Variants in MDFIC2 observed in about 807,000 individuals in gnomAD.
MDFIC2 encodes MyoD family inhibitor domain containing 2.
chr3:70,211,564 C>T (rs145561521), intron 2 of MDFIC2, among the ~76,000 whole-genome samples: 1 of 21,262 alleles, frequency 4.7e-5, no homozygotes, highest in Non-Finnish European at 9.0e-5. Context: ...TCCCTTTGCC[C>T]TTCCCTTCCC....
intron 2 of MDFIC2, among the ~76,000 whole-genome samples, chr3:70,247,365 C>T (rs565286383): frequency 4.8e-4 from 73 of 151,892 alleles, no homozygotes; most frequent in Admixed American, 2.0e-3. Context: ...ATGGTTAATG[C>T]GGAGAGAGTT....
At chr3:70,206,396 T>G (rs2106724265) in intron 3 of MDFIC2, among the ~76,000 whole-genome samples, 173 bp downstream of exon 3, 1 of 152,228 alleles carries the variant, frequency 6.6e-6, no homozygotes, top group Non-Finnish European at 1.5e-5. Context: ...GCCAAGCGCC[T>G]CATAACTGCA....
chr3:70,262,950 T>G (rs1009565269), intron 2 of MDFIC2, among the ~76,000 whole-genome samples: 44 of 152,326 alleles, frequency 2.9e-4, no homozygotes, highest in Admixed American at 1.8e-3. Context: ...TCACTGCTCT[T>G]CCTATCTGTA....
In MDFIC2 at chr3:70,306,568, A is replaced by G. The variant is rs140294170; in HGVS notation, c.88+5318T>C. On this transcript the variant is annotated intron_variant, in intron 2 of 3. Coordinates refer to ENST00000567252, the MANE Select transcript of MDFIC2 (RefSeq NM_001364677.1). ...AGAGAATAAAGCTTGTTTATTGCCC[A>G]TTCCCCACCCCCTATTTTTTTTATC... 2.3e-3 allele frequency among the ~76,000 whole-genome samples: 350 copies of G among 152,118 alleles called. 2 individuals are homozygous for G. The highest frequency in any genetic ancestry group is 7.9e-3 in the African/African-American group (328 of 41,502).
intron 2 of MDFIC2, among the ~76,000 whole-genome samples, chr3:70,255,238 A>G (rs1701804146): frequency 1.3e-5 from 2 of 152,344 alleles, no homozygotes; most frequent in African/African-American, 4.8e-5. Flanking sequence ...GATGAATAGT[A>G]GCTTAGTGGA....
intron 2 of MDFIC2, among the ~76,000 whole-genome samples, chr3:70,247,047 A>AT (rs1043540732): frequency 5.3e-5 from 8 of 151,180 alleles, no homozygotes; most frequent in East Asian, 3.9e-4. Flanking sequence ...AAGGATAGTT[A>AT]TTTTTTTTTC....
intron 3 of MDFIC2, among the ~76,000 whole-genome samples, chr3:70,198,543 G>A (rs775631172): frequency 5.3e-5 from 8 of 152,124 alleles, no homozygotes; most frequent in Non-Finnish European, 1.0e-4. Context: ...AAAGTTATAA[G>A]GTGAGTCCTG....
intron 2 of MDFIC2, among the ~76,000 whole-genome samples, chr3:70,252,591 G>A (rs1701779680): frequency 6.6e-6 from 1 of 152,160 alleles, no homozygotes; most frequent in South Asian, 2.1e-4. Context: ...ACAGGAATGA[G>A]ATATCCATGG....
chr3:70,263,219 CTTCT>C (rs938317750), intron 2 of MDFIC2, among the ~76,000 whole-genome samples: 11 of 152,022 alleles, frequency 7.2e-5, no homozygotes, highest in Non-Finnish European at 1.6e-4. Flanking sequence ...TTTCCTGCTT[CTTCT>C]TTCTTCAGTA....
intron 2 of MDFIC2, among the ~76,000 whole-genome samples, chr3:70,300,581 A>G (rs1422405970): frequency 6.6e-6 from 1 of 152,052 alleles, no homozygotes; most frequent in Non-Finnish European, 1.5e-5. Flanking sequence ...TTCAAAAATT[A>G]TATTTGATTC....
chr3:70,282,926 A>G (rs1370689882), intron 2 of MDFIC2, among the ~76,000 whole-genome samples: 2 of 152,198 alleles, frequency 1.3e-5, no homozygotes, highest in African/African-American at 2.4e-5. Flanking sequence ...TAAAAGGGGT[A>G]ATAAAAGATG....
intron 2 of MDFIC2, among the ~76,000 whole-genome samples, chr3:70,298,123 A>G (rs913447246): frequency 1.3e-4 from 20 of 152,146 alleles, no homozygotes; most frequent in African/African-American, 4.8e-4. Context: ...GTTTGACCAG[A>G]TAAGGATATT....
chr3:70,300,243 C>T (rs1279628093), intron 2 of MDFIC2, among the ~76,000 whole-genome samples: 1 of 152,070 alleles, frequency 6.6e-6, no homozygotes, highest in African/African-American at 2.4e-5. Context: ...CGCCCTTGCC[C>T]TTGAGTAAAC....
At chr3:70,303,618 G>A (rs779882838) in intron 2 of MDFIC2, among the ~76,000 whole-genome samples, 13 of 152,172 alleles carry the variant, frequency 8.5e-5, no homozygotes, top group Admixed American at 3.3e-4. Context: ...CTCAAAAACC[G>A]ATAAAGCTCC....
chr3:70,267,170 T>G (rs1029394565), intron 2 of MDFIC2, among the ~76,000 whole-genome samples: 2 of 152,184 alleles, frequency 1.3e-5, no homozygotes, highest in Non-Finnish European at 1.5e-5. Context: ...TGATTGATTA[T>G]GTAGGGATTT....
intron 2 of MDFIC2, among the ~76,000 whole-genome samples, chr3:70,224,294 T>G (rs1423674440): frequency 6.6e-6 from 1 of 152,210 alleles, no homozygotes; most frequent in Non-Finnish European, 1.5e-5. Flanking sequence ...CCAAGCACAC[T>G]GCAATGGTGG....
intron 2 of MDFIC2, among the ~76,000 whole-genome samples, chr3:70,217,510 T>A (rs1701426746): frequency 6.6e-6 from 1 of 152,156 alleles, no homozygotes; most frequent in Non-Finnish European, 1.5e-5. Flanking sequence ...CTCTGAGCTT[T>A]CTAGGTTTTA....
At chr3:70,240,060 A>G (rs1379635030) in intron 2 of MDFIC2, among the ~76,000 whole-genome samples, 1 of 152,142 alleles carries the variant, frequency 6.6e-6, no homozygotes, top group African/African-American at 2.4e-5. Flanking sequence ...TCAATGCTCA[A>G]TACATCAGTA....
intron 2 of MDFIC2, among the ~76,000 whole-genome samples, chr3:70,255,889 G>C (rs9884082): frequency 6.6e-6 from 1 of 152,182 alleles, no homozygotes; most frequent in Non-Finnish European, 1.5e-5. Flanking sequence ...GGTGCAAACT[G>C]TGTGGATCCT....
Sources: allele counts gnomAD v4.1 joint callset (sites outside exome capture counted in the v4.1 genomes callset), GRCh38; gene constraint gnomAD v4.1.1; transcripts MANE v1.5; gene names NCBI Gene and HGNC (gene_info 2026-07-23, HGNC 2026-07-21).